The following PDE4D variants were observed in gnomAD, a reference collection of about 807,000 sequenced individuals.
PDE4D encodes the protein phosphodiesterase 4D.
A neutral mutation model predicts 87.4 loss-of-function variants in PDE4D; 24 were observed. That is an observed-to-expected ratio of 0.27 (90% CI 0.20 to 0.39). The LOEUF is 0.39. Among genes scored for constraint, PDE4D ranks in the 10% least tolerant of loss-of-function variants. The pLI, the probability that PDE4D is intolerant of heterozygous loss-of-function variation, is 1.00. For synonymous variants in PDE4D, 384 were observed against 383.2 expected (o/e 1.00, Z -0.02); for missense variants, 714 against 1,041.0 (o/e 0.69, Z 4.32).
chr5:59,045,250 T>C (rs775550336), intron 5 of PDE4D, among the ~76,000 whole-genome samples: 75 of 152,254 alleles, frequency 4.9e-4, no homozygotes, highest in Admixed American at 1.6e-3. Context: ...CACAGACCTA[T>C]GATGAACAAG....
intron 1 of PDE4D, among the ~76,000 whole-genome samples, chr5:59,366,546 T>C (rs978233082): frequency 3.9e-5 from 6 of 152,176 alleles, no homozygotes; most frequent in African/African-American, 1.4e-4. Flanking sequence ...AAGTTATGAG[T>C]CAGTCAAGCA....
intron 1 of PDE4D, among the ~76,000 whole-genome samples, chr5:59,458,539 C>G (rs1421059090): frequency 6.6e-6 from 1 of 151,902 alleles, no homozygotes; most frequent in African/African-American, 2.4e-5. Context: ...CTCTCAGGCT[C>G]TGTCTGTGGC....
At chr5:59,340,151 C>T (rs1016629673) in intron 1 of PDE4D, among the ~76,000 whole-genome samples, 7 of 152,098 alleles carry the variant, frequency 4.6e-5, no homozygotes, top group Admixed American at 6.5e-5. Flanking sequence ...GAAACAAGCA[C>T]AGAGTGAACT....
chr5:59,985,131 G>GTTTTTTTTTTTT (rs1357220308), intron 3 of PDE4D, among the ~76,000 whole-genome samples: 3 of 116,162 alleles, frequency 2.6e-5, no homozygotes, highest in Non-Finnish European at 3.6e-5. Context: ...TTCGTTTTTT[G>GTTTTTTTTTTTT]TTTTTTGTTT....
At chr5:59,703,124 T>C (rs868221131) in intron 1 of PDE4D, among the ~76,000 whole-genome samples, 1 of 152,106 alleles carries the variant, frequency 6.6e-6, no homozygotes, top group Non-Finnish European at 1.5e-5. Flanking sequence ...TTTGTGAATA[T>C]GGTATGATAT....
At chr5:60,369,726 T>C (rs543582972) in intron 1 of PDE4D, among the ~76,000 whole-genome samples, 2 of 152,032 alleles carry the variant, frequency 1.3e-5, no homozygotes, top group African/African-American at 4.8e-5. Context: ...CCCCAACATA[T>C]GAAAGCCACA....
chr5:59,106,194 A>T (rs1474819573), intron 5 of PDE4D, among the ~76,000 whole-genome samples: 1 of 152,220 alleles, frequency 6.6e-6, no homozygotes, highest in Non-Finnish European at 1.5e-5. Context: ...CAGGAAGTTC[A>T]CTGAGCTTCC....
intron 1 of PDE4D, among the ~76,000 whole-genome samples, chr5:60,250,231 A>G (rs1475342024): frequency 6.6e-6 from 1 of 151,908 alleles, no homozygotes; most frequent in Non-Finnish European, 1.5e-5. Flanking sequence ...TATAACAACA[A>G]TATTGAAGGT....
chr5:59,026,919 C>T (rs558207071), intron 6 of PDE4D, among the ~76,000 whole-genome samples: 1 of 152,286 alleles, frequency 6.6e-6, no homozygotes, highest in South Asian at 2.1e-4. Context: ...GCACATTTGT[C>T]ACAATTATTG....
At chr5:60,176,843 G>A (rs376419301) in intron 2 of PDE4D, among the ~76,000 whole-genome samples, 37 of 152,184 alleles carry the variant, frequency 2.4e-4, no homozygotes, top group African/African-American at 8.9e-4. Context: ...GGGCAGAGTT[G>A]TATCTTTGTA....
chr5:59,572,938 T>G (rs1402103316), intron 1 of PDE4D, among the ~76,000 whole-genome samples: 5 of 152,228 alleles, frequency 3.3e-5, no homozygotes, highest in Admixed American at 3.3e-4. Context: ...ATGATTTATA[T>G]ATGTATATCA....
At chr5:59,518,286 G>A (rs1194394681) in intron 1 of PDE4D, among the ~76,000 whole-genome samples, 1 of 151,200 alleles carries the variant, frequency 6.6e-6, no homozygotes, top group Admixed American at 6.6e-5. Context: ...GCAAAATGAT[G>A]TTTGCTATTG....
chr5:59,875,588 C>T (rs756214960), intron 1 of PDE4D, among the ~76,000 whole-genome samples: 31 of 151,098 alleles, frequency 2.1e-4, no homozygotes, highest in Non-Finnish European at 3.7e-4. Context: ...TTAAATGGTG[C>T]ACCTCTGGCT....
chr5:60,105,408 G>A (rs553427755), intron 2 of PDE4D, among the ~76,000 whole-genome samples: 2 of 152,320 alleles, frequency 1.3e-5, no homozygotes, highest in South Asian at 2.1e-4. Context: ...AAAGTGATGG[G>A]GAGAATGGAA....
chr5:59,858,502 G>A (rs1022145397), intron 1 of PDE4D, among the ~76,000 whole-genome samples: 1 of 152,034 alleles, frequency 6.6e-6, no homozygotes, highest in South Asian at 2.1e-4. Flanking sequence ...GTGCTTTTGT[G>A]TTGGGCTTGT....
At chr5:59,868,109 A>G (rs565201703) in intron 1 of PDE4D, among the ~76,000 whole-genome samples, 2 of 152,270 alleles carry the variant, frequency 1.3e-5, no homozygotes, top group South Asian at 4.1e-4. Flanking sequence ...AATGGCTCGG[A>G]GAAGTGATTC....
intron 2 of PDE4D, among the ~76,000 whole-genome samples, chr5:60,151,451 AG>A (rs1469061427): frequency 2.0e-5 from 3 of 152,148 alleles, no homozygotes; most frequent in Admixed American, 1.3e-4. Flanking sequence ...AACGTTGTAT[AG>A]TTTTCAGTCT....
chr5:60,073,064 G>C (rs1021335586), intron 2 of PDE4D, among the ~76,000 whole-genome samples: 2 of 152,096 alleles, frequency 1.3e-5, no homozygotes, highest in Non-Finnish European at 2.9e-5. Flanking sequence ...TAGGAGTGGT[G>C]AGAAAGGGCG....
chr5:59,441,167 TC>T (rs937993912), intron 1 of PDE4D, among the ~76,000 whole-genome samples: 2 of 151,530 alleles, frequency 1.3e-5, no homozygotes, highest in African/African-American at 4.9e-5. Context: ...TGATCTCGGC[TC>T]ATTGCAGCCT....
Sources: allele counts gnomAD v4.1 joint callset (sites outside exome capture counted in the v4.1 genomes callset), GRCh38; gene constraint gnomAD v4.1.1; transcripts MANE v1.5; gene names NCBI Gene and HGNC (gene_info 2026-07-23, HGNC 2026-07-21).